The following PRMT8 variants were observed in gnomAD, a reference collection of about 807,000 sequenced individuals.
The protein encoded by PRMT8 is protein arginine methyltransferase 8.
A neutral mutation model predicts 47.1 loss-of-function variants in PRMT8; 7 were observed. The ratio of observed to expected loss-of-function variants is 0.15; its 90% CI spans 0.08 to 0.28. The LOEUF (loss-of-function observed/expected upper bound fraction) is 0.28. PRMT8 is among the 10% of genes least tolerant of loss of function. The pLI, the probability that PRMT8 is intolerant of heterozygous loss-of-function variation, is 1.00. For missense variants in PRMT8, 237 were observed against 505.4 expected, an observed-to-expected ratio of 0.47 and a Z score of 5.09; for synonymous variants, 188 against 186.5, an observed-to-expected ratio of 1.01 and a Z score of -0.07.
chr12:3,387,238 A>T (rs1401319691), intron 1 of PRMT8, among the ~76,000 whole-genome samples: 1 of 152,246 alleles, frequency 6.6e-6, no homozygotes, highest in African/African-American at 2.4e-5. Context: ...TTTAAAAAGC[A>T]CACAGCAACA....
chr12:3,588,431 G>A (rs1318870557), intron 8 of PRMT8, among the ~76,000 whole-genome samples: 1 of 152,176 alleles, frequency 6.6e-6, no homozygotes, highest in Non-Finnish European at 1.5e-5. Context: ...CTGGTGAGAG[G>A]CCAGTCCCTG....
intron 4 of PRMT8, among the ~76,000 whole-genome samples, chr12:3,562,170 T>C (rs113781226): frequency 4.4e-4 from 67 of 152,318 alleles, no homozygotes; most frequent in Non-Finnish European, 8.8e-5. Context: ...TTATTCCGTT[T>C]ATTAACTTGA....
chr12:3,566,333 T>C lies in PRMT8; in HGVS notation c.482-2373T>C, dbSNP rs1305652936. Among the ~76,000 whole-genome samples, 1 of 152,198 alleles carries C rather than the reference T, an allele frequency of 6.6e-6. No homozygotes were observed. Among genetic ancestry groups the C allele is most frequent in the African/African-American group, 2.4e-5 (1 of 41,448 alleles). ...AGTTGAGTTCCTGCCCTGGGGTCTC[T>C]GAGACCCAGAGAAACTTCAACACCT... On this transcript the variant is annotated intron_variant, in intron 4 of 9. Transcript: ENST00000382622. This position sits in a 1 kb window ranked among gnomAD's most constrained non-coding sequence, Gnocchi z 4.7.
intron 1 of PRMT8, among the ~76,000 whole-genome samples, chr12:3,525,484 C>G (rs781696365): frequency 6.6e-6 from 1 of 152,194 alleles, no homozygotes; most frequent in Non-Finnish European, 1.5e-5. Context: ...TAGCATATGG[C>G]CTTCCTTTGC....
In PRMT8 at chr12:3,538,940, T is replaced by C. The variant is rs1483820427; in HGVS notation, c.76-1666T>C. Among the ~76,000 whole-genome samples the C allele has an allele frequency of 1.3e-5, 2 of 152,208 alleles. No homozygotes were observed. The highest frequency in any genetic ancestry group is 2.1e-4 in the South Asian group (1 of 4,834). On this transcript the variant is annotated intron_variant, in intron 1 of 9. Coordinates refer to ENST00000382622, the MANE Select transcript of PRMT8 (RefSeq NM_019854.5). The surrounding 1 kb of genome is among the most constrained non-coding windows in gnomAD (Gnocchi z 4.6). ...CGGTAGCCTAGGTACACTGGGAAGA[T>C]GGGACCATCCCACTGCCCCCAGCTC...
intron 3 of PRMT8, chr12:3,551,085 C>CCG (rs56199176): frequency 2.7e-5 from 4 of 149,556 alleles, no homozygotes; most frequent in South Asian, 2.1e-4. Flanking sequence ...GACCCCCCCC[C>CCG]GCCCACTGAC....
rs1274256768 is a variant in PRMT8, at chr12:3,492,540, T to G, written c.75+840T>G. On this transcript the variant is annotated intron_variant, in intron 1 of 9. Coordinates refer to ENST00000382622, the MANE Select transcript of PRMT8 (RefSeq NM_019854.5). This position sits in a 1 kb window ranked among gnomAD's most constrained non-coding sequence, Gnocchi z 7.5. ...GCAAATTGTGTTCTCGGCCCCCGCC[T>G]TCGGCAGCCTTTTTCTCTACTCTCC... 1.3e-5 allele frequency among the ~76,000 whole-genome samples: 2 copies of G among 152,218 alleles called. No homozygotes were observed. The highest frequency in any genetic ancestry group is 2.9e-5 in the Non-Finnish European group (2 of 68,032).
rs182785005 is a variant in PRMT8 at position 3,515,617 on chromosome 12, T to C, written c.75+23917T>C. ...GGCCAGCAATCTGTTGTCCAGGTGA[T>C]TGTGGACATGCTGGCTTGACAGCCA... On this transcript the variant is annotated intron_variant, in intron 1 of 9. Coordinates refer to ENST00000382622, the MANE Select transcript of PRMT8 (RefSeq NM_019854.5). Among the ~76,000 whole-genome samples the C allele has an allele frequency of 5.6e-4, 86 of 152,358 alleles. No homozygotes were observed. The South Asian group carries it at 7.3e-3, about 13-fold the overall frequency.
chr12:3,586,841 CTT>C (rs1304373030), intron 8 of PRMT8, among the ~76,000 whole-genome samples: 3 of 152,370 alleles, frequency 2.0e-5, no homozygotes, highest in Admixed American at 6.5e-5. Flanking sequence ...CACCAAGACT[CTT>C]TGCTTTCTGG....
At chr12:3,468,316 C>A (rs1209243230) in intron 1 of PRMT8, among the ~76,000 whole-genome samples, 1 of 152,256 alleles carries the variant, frequency 6.6e-6, no homozygotes, top group Non-Finnish European at 1.5e-5. Flanking sequence ...AGCAGCCATT[C>A]CCATCGGCCA....
chr12:3,442,671 A>AT (rs1430579770), intron 1 of PRMT8, among the ~76,000 whole-genome samples: 1 of 151,938 alleles, frequency 6.6e-6, no homozygotes, highest in Admixed American at 6.6e-5. Context: ...TTATTTGTAT[A>AT]TTTTTCAGAT....
chr12:3,586,564 C>T (rs760189754), intron 8 of PRMT8, among the ~76,000 whole-genome samples: 25 of 152,182 alleles, frequency 1.6e-4, no homozygotes, highest in Admixed American at 2.0e-4. Context: ...GGTTCCTGGA[C>T]GGGTAACACC....
chr12:3,452,735 C>G (rs1591553832), intron 1 of PRMT8, among the ~76,000 whole-genome samples: 1 of 152,340 alleles, frequency 6.6e-6, no homozygotes. Context: ...TTGGGCTTCT[C>G]AGGTCAGGCC....
intron 1 of PRMT8, among the ~76,000 whole-genome samples, chr12:3,441,001 T>C (rs1359049058): frequency 6.6e-6 from 1 of 152,178 alleles, no homozygotes; most frequent in African/African-American, 2.4e-5. Context: ...GTGAGTTATC[T>C]TTTTCAGCTC....
chr12:3,458,464 C>T (rs1230928422), intron 1 of PRMT8, among the ~76,000 whole-genome samples: 1 of 152,220 alleles, frequency 6.6e-6, no homozygotes, highest in African/African-American at 2.4e-5. Context: ...GAGGCACAGA[C>T]ACCAGCCTGC....
chr12:3,498,852 T>C (rs1865547606), intron 1 of PRMT8, among the ~76,000 whole-genome samples: 1 of 152,198 alleles, frequency 6.6e-6, no homozygotes, highest in South Asian at 2.1e-4. Context: ...CAACGAGATG[T>C]CTTCTTCCAC....
intron 1 of PRMT8, among the ~76,000 whole-genome samples, chr12:3,431,048 G>T (rs942481168): frequency 1.3e-5 from 2 of 152,194 alleles, no homozygotes; most frequent in Non-Finnish European, 2.9e-5. Context: ...TTAGACATTT[G>T]AGGCTTTAGA....
rs577865271 is a variant in PRMT8 at position 3,554,723 on chromosome 12, C to G, written c.481+1009C>G. Among the ~76,000 whole-genome samples the G allele has an allele frequency of 5.3e-5, 8 of 152,264 alleles. No homozygotes were observed. In the South Asian group the frequency reaches 1.5e-3, roughly 28 times the overall value. ...GGGAAGGAATCTGATTTCAGTGTCC[C>G]TCCTGAGGGAGCCTGGGCAGGGAGT... is the stretch of plus-strand genomic sequence containing the variant. On this transcript the variant is annotated intron_variant, in intron 4 of 9. Transcript: ENST00000382622.
At chr12:3,403,365 G>A (rs1450766211) in intron 1 of PRMT8, among the ~76,000 whole-genome samples, 2 of 151,776 alleles carry the variant, frequency 1.3e-5, no homozygotes, top group African/African-American at 2.4e-5. Context: ...ATGGATGCTG[G>A]GCTTAATACT....
Sources: gnomAD v4.1 joint callset for allele counts (sites outside exome capture counted in the v4.1 genomes callset) on GRCh38, gnomAD v4.1.1 for gene constraint, Gnocchi (gnomAD v3.1) non-coding constraint, MANE v1.5 for transcripts, NCBI Gene and HGNC (gene_info 2026-07-23, HGNC 2026-07-21) for gene names.